MCTP1: variants seen among roughly 807,000 people sequenced by gnomAD.
MCTP1 encodes the protein multiple C2 and transmembrane domain containing 1.
In MCTP1, 69 loss-of-function variants were observed where a neutral mutation model predicts 120.6. That is an observed-to-expected ratio of 0.57 (90% CI 0.47 to 0.70). The LOEUF (loss-of-function observed/expected upper bound fraction) is 0.70, where lower values mean the gene tolerates loss of function less well. MCTP1 is among the 30% of genes least tolerant of loss of function. The pLI is 0.00. For synonymous variants in MCTP1, 529 were observed against 493.1 expected (o/e 1.07, Z -0.96); for missense variants, 1,203 against 1,248.8 (o/e 0.96, Z 0.55).
intron 17 of MCTP1, among the ~76,000 whole-genome samples, chr5:94,843,256 C>T (rs1367859517): frequency 6.6e-6 from 1 of 152,058 alleles, no homozygotes; most frequent in African/African-American, 2.4e-5. Context: ...AAGACAGACA[C>T]GTTCACAAAG....
intron 1 of MCTP1, among the ~76,000 whole-genome samples, chr5:95,179,849 T>C (rs1409072291): frequency 2.0e-5 from 3 of 152,112 alleles, no homozygotes; most frequent in Non-Finnish European, 2.9e-5. Flanking sequence ...AAATACAGAA[T>C]GGCAAATGGA....
chr5:94,933,139 T>G (rs1815228068), intron 5 of MCTP1, among the ~76,000 whole-genome samples: 1 of 151,842 alleles, frequency 6.6e-6, no homozygotes, highest in Admixed American at 6.6e-5. Context: ...GACCAAAACA[T>G]AAAAGAATAA....
chr5:94,890,528 C>A (rs1433047006), intron 11 of MCTP1, among the ~76,000 whole-genome samples: 1 of 152,092 alleles, frequency 6.6e-6, no homozygotes, highest in Non-Finnish European at 1.5e-5. Flanking sequence ...CATACACAAT[C>A]TTTTACAGTC....
intron 1 of MCTP1, among the ~76,000 whole-genome samples, chr5:95,171,020 A>T (rs1035967785): frequency 6.6e-6 from 1 of 151,338 alleles, no homozygotes; most frequent in Non-Finnish European, 1.5e-5. Flanking sequence ...GGTCTTTACA[A>T]TTTGGCATGT....
chr5:95,163,056 C>T (rs1745925065), intron 1 of MCTP1, among the ~76,000 whole-genome samples: 1 of 152,138 alleles, frequency 6.6e-6, no homozygotes, highest in South Asian at 2.1e-4. Context: ...AAAAATTACA[C>T]ATCAAAATTT....
intron 19 of MCTP1, among the ~76,000 whole-genome samples, chr5:94,745,425 C>T (rs908706371): frequency 2.6e-5 from 4 of 152,150 alleles, no homozygotes; most frequent in Non-Finnish European, 5.9e-5. Context: ...ATGTGTAATA[C>T]ATATATTTGA....
intron 19 of MCTP1, among the ~76,000 whole-genome samples, chr5:94,751,436 A>C (rs78782744): frequency 6.8e-6 from 1 of 147,840 alleles, no homozygotes; most frequent in African/African-American, 2.6e-5. Flanking sequence ...GAGCATGAAG[A>C]AAAAAAATTC....
chr5:95,068,803 G>A (rs1351038439), intron 1 of MCTP1: 2 of 1,279,988 alleles, frequency 1.6e-6, no homozygotes, highest in Non-Finnish European at 2.0e-6. Context: ...CATTTAGTCT[G>A]TCCTTTCCAA....
At chr5:95,204,258 C>A (rs1399881990) in intron 1 of MCTP1, among the ~76,000 whole-genome samples, 3 of 152,072 alleles carry the variant, frequency 2.0e-5, no homozygotes, top group Non-Finnish European at 4.4e-5. Context: ...GACATTTAAG[C>A]TGGTCTTAGA....
chr5:95,169,342 T>C (rs1746897849), intron 1 of MCTP1, among the ~76,000 whole-genome samples: 1 of 152,202 alleles, frequency 6.6e-6, no homozygotes, highest in African/African-American at 2.4e-5. Context: ...ATCAGGGATA[T>C]TGGTCTATAA....
intron 1 of MCTP1, among the ~76,000 whole-genome samples, chr5:95,128,642 G>T (rs529916299): frequency 2.0e-5 from 3 of 152,316 alleles, no homozygotes; most frequent in East Asian, 3.9e-4. Flanking sequence ...ACAGAAAGTG[G>T]ATTAGTGGTT....
intron 1 of MCTP1, among the ~76,000 whole-genome samples, chr5:95,218,641 A>C (rs1193332341): frequency 1.3e-5 from 2 of 152,192 alleles, no homozygotes. Context: ...TTTAGTTAAA[A>C]CTATATACAG....
intron 9 of MCTP1, among the ~76,000 whole-genome samples, chr5:94,910,195 T>C (rs1343094948): frequency 6.6e-6 from 1 of 151,474 alleles, no homozygotes; most frequent in Non-Finnish European, 1.5e-5. Context: ...TGTGCATACA[T>C]ATATGTATAT....
intron 17 of MCTP1, among the ~76,000 whole-genome samples, chr5:94,832,937 C>A (rs1435557373): frequency 4.6e-5 from 7 of 152,198 alleles, no homozygotes; most frequent in African/African-American, 1.7e-4. Context: ...AAGCAATACC[C>A]TACAACAGGG....
At chr5:95,233,673 C>T (rs1755219106) in intron 1 of MCTP1, among the ~76,000 whole-genome samples, 1 of 152,058 alleles carries the variant, frequency 6.6e-6, no homozygotes, top group South Asian at 2.1e-4. Flanking sequence ...AAGAATAAAA[C>T]AATCAGCATT....
chr5:94,781,490 G>A (rs939287086), intron 18 of MCTP1, among the ~76,000 whole-genome samples: 1 of 152,098 alleles, frequency 6.6e-6, no homozygotes, highest in Non-Finnish European at 1.5e-5. Flanking sequence ...CACCTGGAAG[G>A]ACTTATACCT....
At chr5:94,755,175 G>A (rs563517819) in intron 19 of MCTP1, among the ~76,000 whole-genome samples, 4 of 152,184 alleles carry the variant, frequency 2.6e-5, no homozygotes, top group African/African-American at 9.6e-5. Flanking sequence ...TCCTGAGAGA[G>A]CTGAGGCCAT....
At chr5:94,962,690 G>T (rs1824574639) in intron 2 of MCTP1, among the ~76,000 whole-genome samples, 1 of 151,918 alleles carries the variant, frequency 6.6e-6, no homozygotes, top group Non-Finnish European at 1.5e-5. Flanking sequence ...AAAGGCATAA[G>T]AATGATACAA....
intron 2 of MCTP1, among the ~76,000 whole-genome samples, chr5:94,997,765 AT>A (rs1428596845): frequency 1.3e-5 from 2 of 152,116 alleles, no homozygotes; most frequent in African/African-American, 2.4e-5. Flanking sequence ...TTATTTATGT[AT>A]TTTTTCAATA....
Sources: gnomAD v4.1 joint callset for allele counts (sites outside exome capture counted in the v4.1 genomes callset) on GRCh38, gnomAD v4.1.1 for gene constraint, MANE v1.5 for transcripts, NCBI Gene and HGNC (gene_info 2026-07-23, HGNC 2026-07-21) for gene names.